Variants in ITPKB observed in about 807,000 individuals in gnomAD.
ITPKB encodes IP3 3-kinase B.
Under a neutral mutation model 69.4 loss-of-function variants are expected in ITPKB, and 13 were observed. The observed-to-expected ratio is 0.19, with a 90% CI of 0.12 to 0.30. ITPKB has a LOEUF of 0.30. ITPKB is among the 10% of genes least tolerant of loss of function. The probability of loss-of-function intolerance (pLI) is 1.00; values close to 1 mark genes in which losing one functional copy is unlikely to be tolerated. For missense variants in ITPKB, 1,240 were observed against 1,250.5 expected, an observed-to-expected ratio of 0.99 and a Z score of 0.13; for synonymous variants, 584 against 513.7, an observed-to-expected ratio of 1.14 and a Z score of -1.85.
chr1:226,666,459 T>TA (rs1434054382), intron 2 of ITPKB, among the ~76,000 whole-genome samples: 7 of 152,120 alleles, frequency 4.6e-5, no homozygotes, highest in Admixed American at 2.6e-4. Context: ...TCTGGGAAGA[T>TA]AGAGCATGTG....
In ITPKB at chr1:226,737,001, T is replaced by G; in HGVS notation, c.458A>C (p.His153Pro). ...VNQKVGMFEAHIQAQSSAIQA... is the reference protein window; with the variant it reads ...VNQKVGMFEAPIQAQSSAIQA... ...AATGGCGGAGCTCTGTGCCTGGATGTGCGCCTCAAACATGCCCACTTTCTG... is the reference window on the plus strand; with the variant it reads ...AATGGCGGAGCTCTGTGCCTGGATGGGCGCCTCAAACATGCCCACTTTCTG... Residue 153 changes from histidine to proline, a missense_variant, in exon 2 of 8, where the codon CAC becomes CCC. His to Pro is a moderately conservative substitution (Grantham distance 77). Transcript: ENST00000429204. 1 of 1,612,832 alleles carries G rather than the reference T, an allele frequency of 6.2e-7. No individual in the cohort carries two copies. Among genetic ancestry groups the G allele is most frequent in the South Asian group, 1.1e-5 (1 of 91,088 alleles).
At chr1:226,688,971 G>C (rs1656282112) in intron 2 of ITPKB, among the ~76,000 whole-genome samples, 1 of 152,158 alleles carries the variant, frequency 6.6e-6, no homozygotes. Context: ...AGTTCCACTA[G>C]CTTGGGAGCA....
chr1:226,693,241 AAC>A (rs549892306), intron 2 of ITPKB, among the ~76,000 whole-genome samples: 150 of 152,328 alleles, frequency 9.8e-4, no homozygotes, highest in African/African-American at 3.5e-3. Flanking sequence ...TCAGAAGCAG[AAC>A]ACACAAGACA....
At chr1:226,646,244 T>A (rs1196305923) in intron 4 of ITPKB, among the ~76,000 whole-genome samples, 1 of 152,114 alleles carries the variant, frequency 6.6e-6, no homozygotes, top group Non-Finnish European at 1.5e-5. Context: ...CCCCACAACA[T>A]GAGCACCGCA....
intron 2 of ITPKB, among the ~76,000 whole-genome samples, chr1:226,664,616 C>A (rs929447041): frequency 2.0e-5 from 3 of 152,190 alleles, no homozygotes; most frequent in African/African-American, 7.2e-5. Context: ...GGGAACAGAA[C>A]CAGCTGGCTG....
chr1:226,737,412 C>T lies in ITPKB; in HGVS notation c.47G>A (p.Ser16Asn). The change falls in exon 2 of 8, where the codon AGC (serine) becomes AAC (asparagine). Residue 16 changes from serine to asparagine, a missense_variant. Ser to Asn is a conservative substitution (Grantham distance 46, BLOSUM62 1). Around this residue, in one of 2 missense-constraint regions of ITPKB, gnomAD observed 992 missense variants for 853.8 expected, o/e 1.16. Coordinates refer to ENST00000429204, the MANE Select transcript of ITPKB (RefSeq NM_002221.4). ...YALNSLVIMN[S>N]ANEMKSGGGP... ...GCCGCCGCTCTTCATCTCGTTGGCG[C>T]TATTCATGATCACCAGGCTATTGAG... 2 of 1,611,496 alleles carry T rather than the reference C, an allele frequency of 1.2e-6. No homozygotes were observed. Among genetic ancestry groups the T allele is most frequent in the Non-Finnish European group, 1.7e-6 (2 of 1,179,634 alleles).
intron 2 of ITPKB, among the ~76,000 whole-genome samples, chr1:226,730,367 CAA>C (rs1252540645): frequency 3.9e-5 from 6 of 152,256 alleles, no homozygotes; most frequent in Admixed American, 1.3e-4. Flanking sequence ...TTCAAATTAC[CAA>C]AGAGTTCATA....
chr1:226,711,466 T>G (rs1656958155), intron 2 of ITPKB, among the ~76,000 whole-genome samples: 1 of 143,098 alleles, frequency 7.0e-6, no homozygotes, highest in Admixed American at 6.9e-5. Flanking sequence ...TGTGTGTGTG[T>G]GTTGTGTATG....
chr1:226,707,886 C>G, intron 2 of ITPKB: 4 of 1,322,736 alleles, frequency 3.0e-6, no homozygotes, highest in Non-Finnish European at 4.0e-6. Context: ...CCCAGCAGTA[C>G]CACTGAGGGG....
chr1:226,736,783 A>G lies in ITPKB; in HGVS notation c.676T>C (p.Cys226Arg), dbSNP rs754723327. Residue 226 changes from cysteine (C) to arginine (R), a missense_variant, in exon 2 of 8, where the codon TGC becomes CGC. This residue lies in a region of ITPKB where 992 missense variants were observed against 853.8 expected (regional missense o/e 1.16). Transcript: ENST00000429204. ...DSGRKGGPSL[C>R]SSQVKKGMPP... ...ATTCCTTTCTTCACCTGCGAGGAGC[A>G]TAGGCTGGGCCCTCCTTTCCTCCCG... 7.4e-6 allele frequency: 12 copies of G among 1,612,944 alleles called. No individual in the cohort carries two copies. Among genetic ancestry groups the G allele is most frequent in the Middle Eastern group, 1.6e-4 (1 of 6,084 alleles).
chr1:226,634,422 C>G lies in ITPKB; in HGVS notation c.*249G>C, dbSNP rs191801345. 9.9e-5 allele frequency: 50 copies of G among 506,462 alleles called. No homozygotes were observed. The East Asian group carries it at 1.7e-3, about 17-fold the overall frequency. 31.4% of individuals were successfully genotyped at this position (506,462 alleles called of 1,614,324 possible). ...GGACCCCCTCCAGCTCTACACCTGA[C>G]CCACCTCTAAGACTGGGCATTTCTC... On this transcript the variant is annotated 3_prime_UTR_variant, in exon 8 of 8. Transcript: ENST00000429204. The surrounding 1 kb of genome is among the most constrained non-coding windows in gnomAD (Gnocchi z 6.3).
intron 7 of ITPKB, among the ~76,000 whole-genome samples, chr1:226,635,496 G>C (rs377176602): frequency 6.6e-6 from 1 of 152,192 alleles, no homozygotes; most frequent in African/African-American, 2.4e-5. Context: ...AAAGTGCTGA[G>C]ATTACGGGCA....
rs1000044709 is a variant in ITPKB at position 226,641,759 on chromosome 1, G to A, written c.2451+162C>T. Among the ~76,000 whole-genome samples the A allele has an allele frequency of 7.2e-5, 11 of 152,278 alleles. No individual in the cohort carries two copies. The highest frequency in any genetic ancestry group is 5.9e-4 in the Admixed American group (9 of 15,294). The stretch of plus-strand genomic sequence containing the variant: ...CCCCTACACAGCCATCCCGCCTGAG[G>A]AATAGGCTGATGTCTCCAAATGTCT... On this transcript the variant is annotated intron_variant, in intron 5 of 7. Coordinates refer to ENST00000429204, the MANE Select transcript of ITPKB (RefSeq NM_002221.4). This position sits in a 1 kb window ranked among gnomAD's most constrained non-coding sequence, Gnocchi z 4.6.
chr1:226,651,705 C>T (rs1357963808), intron 2 of ITPKB, among the ~76,000 whole-genome samples: 1 of 152,176 alleles, frequency 6.6e-6, no homozygotes, highest in Admixed American at 6.5e-5. Flanking sequence ...GGCTTAGCCT[C>T]TGCAAGGCCA....
intron 2 of ITPKB, among the ~76,000 whole-genome samples, chr1:226,716,407 A>G (rs763018076): frequency 2.6e-5 from 4 of 151,568 alleles, no homozygotes; most frequent in East Asian, 1.9e-4. Flanking sequence ...TTTTCTTTTT[A>G]AAATGTTTTT....
At chr1:226,699,385 A>C (rs1291683697) in intron 2 of ITPKB, among the ~76,000 whole-genome samples, 1 of 152,358 alleles carries the variant, frequency 6.6e-6, no homozygotes, top group East Asian at 1.9e-4. Context: ...ACAGCAGTGT[A>C]GACTACAGCA....
intron 7 of ITPKB, among the ~76,000 whole-genome samples, chr1:226,635,511 T>A (rs1397244429): frequency 1.3e-5 from 2 of 152,144 alleles, no homozygotes; most frequent in African/African-American, 4.8e-5. Context: ...CGGGCATGAA[T>A]CACACTGCAC....
chr1:226,717,452 G>T (rs1657122444), intron 2 of ITPKB, among the ~76,000 whole-genome samples: 1 of 152,144 alleles, frequency 6.6e-6, no homozygotes, highest in African/African-American at 2.4e-5. Context: ...ACAGGCCCAG[G>T]CTGCAGAGAG....
chr1:226,711,681 G>A (rs1571869691), intron 2 of ITPKB, among the ~76,000 whole-genome samples: 1 of 152,126 alleles, frequency 6.6e-6, no homozygotes, highest in Non-Finnish European at 1.5e-5. Flanking sequence ...TTGTCCTGGC[G>A]ATGACGAGTG....
Sources: gnomAD v4.1 joint callset for allele counts (sites outside exome capture counted in the v4.1 genomes callset) on GRCh38, gnomAD v4.1.1 for gene constraint, gnomAD v4.1.1 regional missense constraint, Gnocchi (gnomAD v3.1) non-coding constraint, MANE v1.5 for transcripts, NCBI Gene and HGNC (gene_info 2026-07-23, HGNC 2026-07-21) for gene names.